LARGE1: variants seen among roughly 807,000 people sequenced by gnomAD.
LARGE1 encodes the protein xylosyl- and glucuronyltransferase LARGE1.
In LARGE1, 43 loss-of-function variants were observed where a neutral mutation model predicts 87.6. The ratio of observed to expected loss-of-function variants is 0.49; its 90% CI spans 0.38 to 0.63. LARGE1 has a LOEUF of 0.63. Among genes scored for constraint, LARGE1 ranks in the 30% least tolerant of loss-of-function variants. The pLI, the probability that LARGE1 is intolerant of heterozygous loss-of-function variation, is 0.00. For missense variants in LARGE1, 802 were observed against 1,000.2 expected (o/e 0.80, Z 2.67); for synonymous variants, 434 against 394.6 (o/e 1.10, Z -1.18).
At chr22:33,258,305 T>C (rs1192070247) in intron 11 of LARGE1, among the ~76,000 whole-genome samples, 1 of 152,232 alleles carries the variant, frequency 6.6e-6, no homozygotes, top group Non-Finnish European at 1.5e-5. Flanking sequence ...GTGCTGGGAT[T>C]ACAGGTGTTA....
intron 1 of LARGE1, among the ~76,000 whole-genome samples, chr22:33,819,443 T>C (rs5754698): frequency 0.89 from 134,527 of 151,962 alleles, 59,727 homozygotes; most frequent in East Asian, 0.97. Flanking sequence ...GCCAACTACG[T>C]CACCATCCAG....
intron 7 of LARGE1, among the ~76,000 whole-genome samples, chr22:33,395,590 C>A (rs1049777219): frequency 3.3e-5 from 5 of 152,186 alleles, no homozygotes; most frequent in Admixed American, 1.3e-4. Flanking sequence ...TCCCTCCCTG[C>A]CCTATTTTCA....
intron 4 of LARGE1, among the ~76,000 whole-genome samples, chr22:33,614,098 G>A (rs1275631996): frequency 1.3e-5 from 2 of 151,614 alleles, no homozygotes; most frequent in Non-Finnish European, 2.9e-5. Context: ...TTTTCTTAAC[G>A]TGGTTCTGTC....
At chr22:33,439,614 A>T (rs2067396970) in intron 6 of LARGE1, among the ~76,000 whole-genome samples, 1 of 151,832 alleles carries the variant, frequency 6.6e-6, no homozygotes, top group African/African-American at 2.4e-5. Flanking sequence ...GATGGGATCT[A>T]CTCCGGTGGC....
intron 6 of LARGE1, among the ~76,000 whole-genome samples, chr22:33,508,276 C>T (rs947452099): frequency 2.0e-5 from 3 of 152,156 alleles, no homozygotes; most frequent in Non-Finnish European, 4.4e-5. Context: ...GGGCAAGGCA[C>T]AGGGGCCACT....
chr22:33,680,650 G>A (rs936152485), intron 2 of LARGE1, among the ~76,000 whole-genome samples: 1 of 152,136 alleles, frequency 6.6e-6, no homozygotes. Context: ...CTTTTGGAGA[G>A]GGTGAAGGCC....
chr22:33,176,031 C>A (rs774982174), intron 11 of LARGE1, among the ~76,000 whole-genome samples: 35 of 152,142 alleles, frequency 2.3e-4, no homozygotes, highest in Non-Finnish European at 3.1e-4. Flanking sequence ...TTTGACCAAC[C>A]TGACAAAAAC....
intron 11 of LARGE1, among the ~76,000 whole-genome samples, chr22:33,240,924 C>A (rs998400708): frequency 6.6e-6 from 1 of 152,164 alleles, no homozygotes; most frequent in African/African-American, 2.4e-5. Flanking sequence ...TGCTTTGGTG[C>A]CTGTTACCTC....
intron 6 of LARGE1, among the ~76,000 whole-genome samples, chr22:33,476,601 T>C (rs537192169): frequency 9.8e-5 from 15 of 152,320 alleles, no homozygotes; most frequent in African/African-American, 2.9e-4. Flanking sequence ...AAATAAACTT[T>C]CTAAATTGAT....
intron 12 of LARGE1, among the ~76,000 whole-genome samples, chr22:33,302,719 C>T (rs2146137834): frequency 6.6e-6 from 1 of 152,244 alleles, no homozygotes; most frequent in South Asian, 2.1e-4. Context: ...CAGACCTTGC[C>T]TGGTTTGCGA....
intron 7 of LARGE1, among the ~76,000 whole-genome samples, chr22:33,418,940 C>T (rs9609783): frequency 0.02 from 2,968 of 152,158 alleles, 48 homozygotes; most frequent in Non-Finnish European, 0.031. Context: ...GGGAAGAAAG[C>T]GAGGGCACTT....
chr22:33,208,718 C>A (rs541021579), intron 11 of LARGE1, among the ~76,000 whole-genome samples: 1 of 152,148 alleles, frequency 6.6e-6, no homozygotes, highest in Non-Finnish European at 1.5e-5. Flanking sequence ...GCTATCCCTG[C>A]CCTAACCCCC....
chr22:33,563,023 C>T (rs984151071), intron 6 of LARGE1: 11 of 152,594 alleles, frequency 7.2e-5, no homozygotes, highest in Admixed American at 3.3e-4. Context: ...AGGCAGTATC[C>T]GAGTGTGGCA....
chr22:33,810,157 A>G (rs1018788), intron 1 of LARGE1, among the ~76,000 whole-genome samples: 72,921 of 152,066 alleles, frequency 0.48, 18,001 homozygotes, highest in Middle Eastern at 0.64. Flanking sequence ...TCAACCCATT[A>G]TCTCATGGAA....
chr22:33,185,659 G>A (rs1923435271), intron 11 of LARGE1, among the ~76,000 whole-genome samples: 1 of 152,140 alleles, frequency 6.6e-6, no homozygotes, highest in Non-Finnish European at 1.5e-5. Context: ...TGAGGAAGGG[G>A]TGTATGAGAA....
chr22:33,359,555 C>T (rs929337996), intron 9 of LARGE1, among the ~76,000 whole-genome samples: 1 of 148,220 alleles, frequency 6.7e-6, no homozygotes, highest in African/African-American at 2.5e-5. Flanking sequence ...GTATGGCAGA[C>T]TCATCTTTTT....
chr22:33,709,020 C>T (rs563254816), intron 2 of LARGE1, among the ~76,000 whole-genome samples: 15 of 152,104 alleles, frequency 9.9e-5, no homozygotes, highest in African/African-American at 4.8e-5. Flanking sequence ...GGACACCAGT[C>T]GGATAGGACT....
chr22:33,519,235 C>CGTGTGT (rs3071590), intron 6 of LARGE1, among the ~76,000 whole-genome samples: 3,161 of 149,608 alleles, frequency 0.021, 51 homozygotes, highest in South Asian at 0.057. Flanking sequence ...CGTGCGCGCG[C>CGTGTGT]GTGTGTGTGT....
At chr22:33,210,121 T>C (rs1008884521) in intron 11 of LARGE1, among the ~76,000 whole-genome samples, 5 of 152,226 alleles carry the variant, frequency 3.3e-5, no homozygotes, top group African/African-American at 1.2e-4. Flanking sequence ...AGAAACACTA[T>C]TGGAAAGTCA....
Sources: gnomAD v4.1 joint callset for allele counts (sites outside exome capture counted in the v4.1 genomes callset) on GRCh38, gnomAD v4.1.1 for gene constraint, MANE v1.5 for transcripts, NCBI Gene and HGNC (gene_info 2026-07-23, HGNC 2026-07-21) for gene names.